Variants in FAM221A observed in about 807,000 individuals in gnomAD.
FAM221A encodes the protein family with sequence similarity 221 member A, also known as protein FAM221A.
FAM221A carries 43 observed loss-of-function variants against 37.6 expected under a neutral mutation model. The observed-to-expected ratio is 1.15, with a 90% CI of 0.90 to 1.48. The LOEUF (loss-of-function observed/expected upper bound fraction) is 1.48, where lower values mean the gene tolerates loss of function less well. FAM221A is among the 40% of genes most tolerant of loss of function. The probability of loss-of-function intolerance (pLI) is 0.00; values close to 1 mark genes in which losing one functional copy is unlikely to be tolerated. For missense variants in FAM221A, 361 were observed against 361.5 expected (o/e 1.00, Z 0.01); for synonymous variants, 135 against 132.9 (o/e 1.02, Z -0.11).
chr7:23,691,037 A>G (rs1160061051), intron 3 of FAM221A, among the ~76,000 whole-genome samples: 1 of 152,088 alleles, frequency 6.6e-6, no homozygotes, highest in African/African-American at 2.4e-5. Context: ...TGGGGAGTTG[A>G]TCTGTAGGAA....
chr7:23,701,096 C>T (rs180954254), intron 6 of FAM221A, among the ~76,000 whole-genome samples: 11 of 152,064 alleles, frequency 7.2e-5, no homozygotes, highest in South Asian at 6.2e-4. Context: ...TGGATAAATA[C>T]GCAGATAAAA....
At chr7:23,700,683 A>C in intron 5 of FAM221A, 103 bp from the exon 6 acceptor site, 1 of 734,118 alleles carries the variant, frequency 1.4e-6, no homozygotes, top group Non-Finnish European at 2.2e-6. Flanking sequence ...TTGGTTTGAA[A>C]AATAAAACAT....
Position 23,691,404 on chromosome 7 carries a change from G to C in FAM221A, c.445G>C (p.Gly149Arg), listed in dbSNP as rs1184406130. ...FTCNTCSKCS[G>R]FHSCFTCACG... The stretch of plus-strand genomic sequence containing the variant: ...TCTTGATTCAGGTTCCAAGTGTTCA[G>C]GATTCCATAGCTGCTTCACTTGTGC... Residue 149 changes from glycine to arginine, a missense_variant, in exon 4 of 7, where the codon GGA (glycine) becomes CGA (arginine). Physicochemically the swap from Gly to Arg is moderately radical, Grantham distance 125 (BLOSUM62 -2). Coordinates refer to ENST00000344962, the MANE Select transcript of FAM221A (RefSeq NM_199136.5). 1 of 1,614,110 alleles carries C rather than the reference G, an allele frequency of 6.2e-7. No individual in the cohort carries two copies. The highest frequency in any genetic ancestry group is 8.5e-7 in the Non-Finnish European group (1 of 1,179,994).
chr7:23,689,794 A>C (rs1262671517), intron 3 of FAM221A, among the ~76,000 whole-genome samples: 12 of 152,202 alleles, frequency 7.9e-5, no homozygotes, highest in Admixed American at 7.9e-4. Context: ...GAGTTGAATC[A>C]ACTAAATTCT....
intron 4 of FAM221A, among the ~76,000 whole-genome samples, chr7:23,697,880 T>G (rs1360111437): frequency 1.3e-5 from 2 of 151,942 alleles, no homozygotes; most frequent in Admixed American, 6.6e-5. Context: ...CCCTTCCAAG[T>G]AGGTAGGGCT....
At chr7:23,691,709 T>A (rs1280813156) in intron 4 of FAM221A, 113 bp downstream of exon 4, 29 of 924,370 alleles carry the variant, frequency 3.1e-5, no homozygotes, top group Non-Finnish European at 4.7e-5. Context: ...CAGAAAACAT[T>A]CTCTCGTTTG....
chr7:23,680,229 T>C lies in FAM221A; in HGVS notation c.11T>C (p.Leu4Ser). The change falls in exon 1 of 7, where the codon TTG (leucine) becomes TCG (serine). Residue 4 changes from leucine (L) to serine (S), a missense_variant. Leu to Ser is a moderately radical substitution (Grantham distance 145). Transcript: ENST00000344962. MER[L>S]TLPLGGAAAV... is the part of the protein sequence containing the mutation. ...GCTTCCCCACCGGCAATGGAGCGGTTGACGTTGCCTCTCGGCGGCGCGGCG... is the reference window on the plus strand; with the variant it reads ...GCTTCCCCACCGGCAATGGAGCGGTCGACGTTGCCTCTCGGCGGCGCGGCG... 3 of 1,549,554 alleles carry C rather than the reference T, an allele frequency of 1.9e-6. No individual in the cohort carries two copies. In the Admixed American group the frequency reaches 5.9e-5, roughly 30 times the overall value.
intron 4 of FAM221A, among the ~76,000 whole-genome samples, chr7:23,695,772 C>T (rs1785021752): frequency 6.6e-6 from 1 of 152,044 alleles, no homozygotes; most frequent in Non-Finnish European, 1.5e-5. Context: ...TGTTTCATTG[C>T]TTTTGTTACC....
At chr7:23,697,388 C>T (rs886771988) in intron 4 of FAM221A, among the ~76,000 whole-genome samples, 4 of 152,176 alleles carry the variant, frequency 2.6e-5, no homozygotes, top group Non-Finnish European at 4.4e-5. Context: ...ATTTTCTCTG[C>T]AGCTTCCTTC....
At position 23,688,937 on chromosome 7, in the gene FAM221A, G is replaced by T. The variant is rs181702410; in HGVS notation, c.240-332G>T. 28 of 163,816 alleles carry T rather than the reference G, an allele frequency of 1.7e-4. No homozygotes were observed. In the East Asian group the frequency reaches 4.4e-3, roughly 26 times the overall value. 10.1% of individuals were successfully genotyped at this position (163,816 alleles called of 1,614,324 possible). ...AGGCATGAGCCACTGCGCCCGGCCT[G>T]AACTTTTTCATACTCTTAGGCTGTG... is the stretch of plus-strand genomic sequence containing the variant. On this transcript the variant is annotated intron_variant, in intron 2 of 6. Coordinates refer to ENST00000344962, the MANE Select transcript of FAM221A (RefSeq NM_199136.5).
At chr7:23,683,914 T>C (rs1484559470) in intron 1 of FAM221A, among the ~76,000 whole-genome samples, 3 of 152,206 alleles carry the variant, frequency 2.0e-5, no homozygotes. Flanking sequence ...TAAGTATATA[T>C]ATGTTTATGT....
In FAM221A at chr7:23,689,275, AC is replaced by A; in HGVS notation, c.247del (p.Gln83AsnfsTer21). The A allele has an allele frequency of 6.6e-7, 1 of 1,517,222 alleles. No individual in the cohort carries two copies. Among genetic ancestry groups the A allele is most frequent in the Non-Finnish European group, 9.0e-7 (1 of 1,112,614 alleles). The allele number at this position is 1,517,222 out of a possible 1,614,324, so 94.0% of individuals were successfully genotyped here. A position where few individuals can be genotyped will look rare whatever the true frequency, so the allele number is the denominator to read the frequency against. On this transcript the variant is annotated frameshift_variant, in exon 3 of 7. Transcript: ENST00000344962. LOFTEE classifies it high-confidence loss of function. ...TCTCTTTCTCCTTTTTTAGGTATAA[AC>A]AACATAAAACTGACTTGGAAGCGAT... The part of the protein sequence containing the change: ...TLCFCTHRYK[Q>X]HKTDLEAIPQ...
At chr7:23,688,627 A>C (rs1024086403) in intron 2 of FAM221A, 4 of 150,964 alleles carry the variant, frequency 2.6e-5, no homozygotes, top group African/African-American at 9.8e-5. Context: ...TTGGTAAAGA[A>C]CTTTTTCTTT....
At chr7:23,692,486 C>A in intron 4 of FAM221A, 1 of 203,314 alleles carries the variant, frequency 4.9e-6, no homozygotes, top group Non-Finnish European at 8.7e-6. Flanking sequence ...GGATTACAGG[C>A]ATGCACCACC....
Position 23,680,199 on chromosome 7 carries a change from C to A in FAM221A, c.-20C>A, listed in dbSNP as rs1365974884. 6.5e-7 allele frequency: 1 copy of A among 1,547,512 alleles called. No homozygotes were observed. The highest frequency in any genetic ancestry group is 1.4e-5 in the African/African-American group (1 of 72,838). ...GAGGTCAGCTGGTCCGCAGGGAAGCCTTTGGCTTCCCCACCGGCAATGGAG... is the reference window on the plus strand; with the variant it reads ...GAGGTCAGCTGGTCCGCAGGGAAGCATTTGGCTTCCCCACCGGCAATGGAG... On this transcript the variant is annotated 5_prime_UTR_variant, in exon 1 of 7. Transcript: ENST00000344962.
At chr7:23,699,323 G>GTT (rs1785258185) in intron 5 of FAM221A, among the ~76,000 whole-genome samples, 1 of 151,374 alleles carries the variant, frequency 6.6e-6, no homozygotes, top group African/African-American at 2.4e-5. Flanking sequence ...GTCTTGCTAT[G>GTT]TTGACTAGGC....
At chr7:23,701,984 G>A in intron 6 of FAM221A, 112 bp from the exon 7 acceptor site, 2 of 550,676 alleles carry the variant, frequency 3.6e-6, no homozygotes, top group Non-Finnish European at 6.1e-6. Flanking sequence ...GTATTTAGCA[G>A]CTTAATAACT....
At position 23,686,250 on chromosome 7, in the gene FAM221A, G is replaced by A. The variant is rs1033027873; in HGVS notation, c.239+1578G>A. On this transcript the variant is annotated intron_variant, in intron 2 of 6. Transcript: ENST00000344962. ...TTATACAGCATGGACTTGAACGTCA[G>A]AATTGATCCAACTCAACTTTTTTTT... The A allele has an allele frequency of 3.0e-5, 13 of 432,268 alleles. No individual in the cohort carries two copies. The Admixed American group carries it at 3.4e-4, about 11-fold the overall frequency. The allele number at this position is 432,268 out of a possible 1,614,324, so 26.8% of individuals were successfully genotyped here.
At chr7:23,685,601 C>G (rs1784322026) in intron 2 of FAM221A, among the ~76,000 whole-genome samples, 1 of 152,224 alleles carries the variant, frequency 6.6e-6, no homozygotes, top group Non-Finnish European at 1.5e-5. Context: ...ATAAACATTT[C>G]TCCTCAAATT....
Sources: gnomAD v4.1 joint callset for allele counts (sites outside exome capture counted in the v4.1 genomes callset) on GRCh38, gnomAD v4.1.1 for gene constraint, MANE v1.5 for transcripts, NCBI Gene and HGNC (gene_info 2026-07-23, HGNC 2026-07-21) for gene names.